Variants in SNTB1 observed in about 807,000 individuals in gnomAD.
SNTB1 encodes syntrophin beta 1.
SNTB1 carries 36 observed loss-of-function variants against 48.9 expected under a neutral mutation model. That is an observed-to-expected ratio of 0.74 (90% confidence interval 0.56 to 0.97). The LOEUF (loss-of-function observed/expected upper bound fraction) is 0.97. Among genes scored for constraint, SNTB1 ranks in the 50% least tolerant of loss-of-function variants. SNTB1 has a pLI of 0.00. For synonymous variants in SNTB1, 299 were observed against 294.6 expected (o/e 1.01, Z -0.15); for missense variants, 786 against 703.4 (o/e 1.12, Z -1.33).
intron 1 of SNTB1, among the ~76,000 whole-genome samples, chr8:120,701,853 A>G (rs1818314081): frequency 6.6e-6 from 1 of 152,220 alleles, no homozygotes; most frequent in South Asian, 2.1e-4. Context: ...TGTGGAGTTG[A>G]GAGTAAAATA....
intron 2 of SNTB1, among the ~76,000 whole-genome samples, chr8:120,675,448 T>C (rs910838323): frequency 1.3e-5 from 2 of 152,152 alleles, no homozygotes; most frequent in Non-Finnish European, 2.9e-5. Context: ...GAAAATAATA[T>C]GCTGTATGTC....
chr8:120,710,934 C>T (rs568330188), intron 1 of SNTB1, among the ~76,000 whole-genome samples: 1 of 152,310 alleles, frequency 6.6e-6, no homozygotes, highest in East Asian at 1.9e-4. Context: ...AAACGCAACT[C>T]TTCCTGGGTA....
intron 4 of SNTB1, among the ~76,000 whole-genome samples, chr8:120,560,976 C>T (rs1815645007): frequency 6.6e-6 from 1 of 152,046 alleles, no homozygotes; most frequent in Non-Finnish European, 1.5e-5. Flanking sequence ...CATACTCTTT[C>T]TATCACACAA....
intron 3 of SNTB1, among the ~76,000 whole-genome samples, chr8:120,590,249 C>T (rs1413141546): frequency 7.2e-5 from 11 of 152,332 alleles, no homozygotes; most frequent in Non-Finnish European, 1.5e-4. Flanking sequence ...TCCTCTCTCT[C>T]ACTTTACTTT....
intron 1 of SNTB1, among the ~76,000 whole-genome samples, chr8:120,694,597 C>A (rs867926202): frequency 5.2e-4 from 79 of 151,106 alleles, no homozygotes; most frequent in Middle Eastern, 3.5e-3. Flanking sequence ...CTTTCTCTCT[C>A]TCTATATATA....
Position 120,632,611 on chromosome 8 carries a change from T to G in SNTB1, c.829A>C (p.Ile277Leu), listed in dbSNP as rs774437774. The G allele has an allele frequency of 1.8e-5, 29 of 1,614,000 alleles. No individual in the cohort carries two copies. The highest frequency in any genetic ancestry group is 2.4e-5 in the Non-Finnish European group (28 of 1,180,028). Residue 277 changes from isoleucine (I) to leucine (L), a missense_variant, in exon 3 of 7, where the codon ATC (isoleucine) becomes CTC (leucine). Coordinates refer to ENST00000517992, the MANE Select transcript of SNTB1 (RefSeq NM_021021.4). ...GTGGCTGAGTCCTTGCTCCTTAGGA[T>G]CACCGTGTGCTTAGCATCTGGAGAG... Reference protein sequence around the residue: ...IHSPDAKHTVILRSKDSATAQ... With the variant: ...IHSPDAKHTVLLRSKDSATAQ...
At chr8:120,599,496 T>A (rs984425705) in intron 3 of SNTB1, among the ~76,000 whole-genome samples, 1 of 152,186 alleles carries the variant, frequency 6.6e-6, no homozygotes, top group Non-Finnish European at 1.5e-5. Flanking sequence ...TCAAAATAAA[T>A]CTGAAGAATT....
intron 2 of SNTB1, among the ~76,000 whole-genome samples, chr8:120,641,300 A>G (rs1817192355): frequency 6.6e-6 from 1 of 152,152 alleles, no homozygotes; most frequent in Non-Finnish European, 1.5e-5. Context: ...TTAATCAACA[A>G]TGGTGGTTAT....
intron 3 of SNTB1, among the ~76,000 whole-genome samples, chr8:120,610,942 C>T (rs1816612796): frequency 6.6e-6 from 1 of 152,148 alleles, no homozygotes; most frequent in South Asian, 2.1e-4. Context: ...CTGACTACTA[C>T]CTACTGTAAC....
intron 1 of SNTB1, among the ~76,000 whole-genome samples, chr8:120,757,805 G>A (rs550230731): frequency 6.6e-6 from 1 of 152,250 alleles, no homozygotes; most frequent in Non-Finnish European, 1.5e-5. Flanking sequence ...CTACCATGGG[G>A]AACTTAAGAA....
intron 1 of SNTB1, among the ~76,000 whole-genome samples, chr8:120,768,200 T>C (rs1819559574): frequency 6.6e-6 from 1 of 152,122 alleles, no homozygotes; most frequent in Non-Finnish European, 1.5e-5. Context: ...ATCCCACCTG[T>C]ACATGATGTT....
chr8:120,599,525 G>T (rs981404728), intron 3 of SNTB1, among the ~76,000 whole-genome samples: 1 of 152,178 alleles, frequency 6.6e-6, no homozygotes, highest in Non-Finnish European at 1.5e-5. Context: ...TTTTGACAAT[G>T]ATAAATGCTT....
chr8:120,608,991 AGATAG>A (rs1360161023), intron 3 of SNTB1, among the ~76,000 whole-genome samples: 6 of 152,212 alleles, frequency 3.9e-5, no homozygotes, highest in Non-Finnish European at 4.4e-5. Context: ...TAACATGTTA[AGATAG>A]GAGTGCAGTA....
intron 2 of SNTB1, among the ~76,000 whole-genome samples, chr8:120,642,260 G>C (rs965652465): frequency 2.6e-5 from 4 of 152,218 alleles, no homozygotes; most frequent in African/African-American, 9.6e-5. Flanking sequence ...ATAGAGCAGA[G>C]AGGCCTGTTG....
intron 4 of SNTB1, among the ~76,000 whole-genome samples, chr8:120,561,402 T>C (rs1455253578): frequency 6.7e-6 from 1 of 149,524 alleles, no homozygotes; most frequent in South Asian, 2.1e-4. Context: ...AGGTCATCCA[T>C]GGGTTTAATT....
intron 4 of SNTB1, among the ~76,000 whole-genome samples, chr8:120,568,647 C>G (rs1256929343): frequency 6.6e-6 from 1 of 152,198 alleles, no homozygotes; most frequent in Non-Finnish European, 1.5e-5. Flanking sequence ...CCAGCTCTGC[C>G]ATTTCCAGGC....
At position 120,811,963 on chromosome 8, in the gene SNTB1, C is replaced by T. The variant is rs992022292; in HGVS notation, c.-120G>A. 2.4e-6 allele frequency: 3 copies of T among 1,272,098 alleles called. No individual in the cohort carries two copies. Among genetic ancestry groups the T allele is most frequent in the Non-Finnish European group, 3.0e-6 (3 of 1,014,102 alleles). The allele number at this position is 1,272,098 out of a possible 1,614,324, so 78.8% of individuals were successfully genotyped here. On this transcript the variant is annotated 5_prime_UTR_variant, in exon 1 of 7. Coordinates refer to ENST00000517992, the MANE Select transcript of SNTB1 (RefSeq NM_021021.4). The stretch of plus-strand genomic sequence containing the variant: ...GAGAGTGCGTCCCGCGGGGAGGTGG[C>T]GGCACGCGGGACTCCGCTCCGGGAG...
intron 1 of SNTB1, among the ~76,000 whole-genome samples, chr8:120,735,865 A>T (rs7819104): frequency 0.44 from 67,113 of 152,126 alleles, 20,948 homozygotes; most frequent in African/African-American, 0.85. Flanking sequence ...TTCAAGCAGC[A>T]CCATGGGTGG....
chr8:120,717,756 A>G (rs1363251504), intron 1 of SNTB1, among the ~76,000 whole-genome samples: 19 of 152,190 alleles, frequency 1.2e-4, no homozygotes, highest in Admixed American at 1.2e-3. Flanking sequence ...TGCTCCAGAT[A>G]CAGAAACAGG....
Sources: gnomAD v4.1 joint callset for allele counts (sites outside exome capture counted in the v4.1 genomes callset) on GRCh38, gnomAD v4.1.1 for gene constraint, MANE v1.5 for transcripts, NCBI Gene and HGNC (gene_info 2026-07-23, HGNC 2026-07-21) for gene names.